The following GPR137C variants were observed in gnomAD, a reference collection of about 807,000 sequenced individuals.
GPR137C encodes the protein G protein-coupled receptor 137C, also known as integral membrane protein GPR137C.
Under a neutral mutation model 43.4 loss-of-function variants are expected in GPR137C, and 27 were observed. The ratio of observed to expected loss-of-function variants is 0.62; its 90% CI spans 0.46 to 0.86. The LOEUF is 0.86. Ranked by LOEUF, GPR137C falls within the 40% of genes least tolerant of loss-of-function variation. GPR137C has a pLI of 0.00. For synonymous variants in GPR137C, 285 were observed against 226.9 expected, an observed-to-expected ratio of 1.26 and a Z score of -2.30; for missense variants, 522 against 534.6, an observed-to-expected ratio of 0.98 and a Z score of 0.23.
chr14:52,596,952 T>C, intron 1 of GPR137C: 1 of 454,412 alleles, frequency 2.2e-6, no homozygotes, highest in Non-Finnish European at 4.4e-6. Context: ...TTTGGCCATC[T>C]TGGAAGGAAC....
At chr14:52,619,510 G>T (rs897455607) in intron 3 of GPR137C, among the ~76,000 whole-genome samples, 5 of 152,090 alleles carry the variant, frequency 3.3e-5, no homozygotes, top group Non-Finnish European at 5.9e-5. Context: ...TGCAGTTGTT[G>T]TACTGCAAGT....
chr14:52,569,441 G>A (rs184538968), intron 1 of GPR137C, among the ~76,000 whole-genome samples: 1 of 151,718 alleles, frequency 6.6e-6, no homozygotes, highest in East Asian at 1.9e-4. Context: ...TGGAGAATGA[G>A]TTTGACAAAT....
intron 1 of GPR137C, among the ~76,000 whole-genome samples, chr14:52,578,241 C>A (rs570050138): frequency 3.3e-5 from 5 of 152,280 alleles, no homozygotes; most frequent in African/African-American, 1.2e-4. Context: ...GGGAGACATT[C>A]TCGTATTTTT....
chr14:52,553,307 G>T lies in GPR137C; in HGVS notation c.160G>T (p.Ala54Ser), dbSNP rs1002948517. Reference protein sequence around the residue: ...SVQLALSVLHALLYAALFAFA... With the variant: ...SVQLALSVLHSLLYAALFAFA... ...GCAGTTGGCGCTGAGCGTCCTGCACGCCCTGCTCTACGCCGCGCTGTTCGC... is the reference window on the plus strand; with the variant it reads ...GCAGTTGGCGCTGAGCGTCCTGCACTCCCTGCTCTACGCCGCGCTGTTCGC... Residue 54 changes from alanine to serine, a missense_variant, in exon 1 of 7, where the codon GCC (alanine) becomes TCC (serine). Physicochemically the swap from Ala to Ser is moderately conservative, Grantham distance 99. Around this residue, in one of 3 missense-constraint regions of GPR137C, gnomAD observed 437 missense variants for 425.7 expected, o/e 1.03. Transcript: ENST00000321662. The T allele has an allele frequency of 1.3e-6, 2 of 1,566,708 alleles. No homozygotes were observed. The highest frequency in any genetic ancestry group is 2.3e-5 in the South Asian group (2 of 86,042).
intron 3 of GPR137C, among the ~76,000 whole-genome samples, chr14:52,618,015 C>T (rs1421421995): frequency 1.3e-5 from 2 of 152,064 alleles, no homozygotes; most frequent in African/African-American, 4.8e-5. Context: ...TCACAGAGTT[C>T]CTGAACACCT....
chr14:52,623,025 T>A (rs900535644), intron 3 of GPR137C, among the ~76,000 whole-genome samples: 1 of 152,230 alleles, frequency 6.6e-6, no homozygotes, highest in South Asian at 2.1e-4. Context: ...ATCAACACAG[T>A]TGGCCCAGGA....
intron 1 of GPR137C, among the ~76,000 whole-genome samples, chr14:52,581,533 CAA>C (rs11420705): frequency 3.1e-5 from 4 of 128,058 alleles, no homozygotes; most frequent in Non-Finnish European, 6.8e-5. Flanking sequence ...GACTCCGTCT[CAA>C]AAAAAAAAAA....
chr14:52,613,223 G>C (rs911370892), intron 3 of GPR137C: 9 of 150,888 alleles, frequency 6.0e-5, no homozygotes, highest in Admixed American at 4.6e-4. Flanking sequence ...CTCCAGCCTG[G>C]GGGACAGAGT....
In GPR137C at chr14:52,635,170, T is replaced by C; in HGVS notation, c.*55T>C. Reference sequence around the variant, plus strand: ...GTTTTTCATAAATGTGTATATTCAATGTGTTTAAATTCCATCTACATAAAC... The same window carrying C: ...GTTTTTCATAAATGTGTATATTCAACGTGTTTAAATTCCATCTACATAAAC... On this transcript the variant is annotated 3_prime_UTR_variant, in exon 7 of 7. Coordinates refer to ENST00000321662, the MANE Select transcript of GPR137C (RefSeq NM_001099652.2). 1 of 1,356,332 alleles carries C rather than the reference T, an allele frequency of 7.4e-7. No individual in the cohort carries two copies. The highest frequency in any genetic ancestry group is 9.9e-7 in the Non-Finnish European group (1 of 1,006,660). 84.0% of individuals were successfully genotyped at this position (1,356,332 alleles called of 1,614,324 possible). A position where few individuals can be genotyped will look rare whatever the true frequency, so the allele number is the denominator to read the frequency against.
chr14:52,634,503 G>T (rs2039330144), intron 6 of GPR137C, among the ~76,000 whole-genome samples: 1 of 152,084 alleles, frequency 6.6e-6, no homozygotes, highest in African/African-American at 2.4e-5. Flanking sequence ...CTTCATCTGG[G>T]CAAGTTATAT....
intron 3 of GPR137C, among the ~76,000 whole-genome samples, chr14:52,601,509 T>TATAG (rs1464988508): frequency 2.1e-4 from 31 of 149,860 alleles, no homozygotes; most frequent in African/African-American, 7.6e-4. Context: ...TATATATATA[T>TATAG]AGAGAGAGAG....
At chr14:52,630,671 G>T (rs775882936) in intron 3 of GPR137C, among the ~76,000 whole-genome samples, 1 of 152,036 alleles carries the variant, frequency 6.6e-6, no homozygotes, top group African/African-American at 2.4e-5. Flanking sequence ...TTCTGAGGAA[G>T]TCAGTTATAA....
chr14:52,632,192 C>A lies in GPR137C; in HGVS notation c.750C>A (p.Gly250=). 1 of 1,606,332 alleles carries A rather than the reference C, an allele frequency of 6.2e-7. No individual in the cohort carries two copies. The highest frequency in any genetic ancestry group is 8.5e-7 in the Non-Finnish European group (1 of 1,173,132). ...GMSLCQTVVV[G]SVVILLYSSR... ...CTCTGTGCCAGACTGTCGTCGTGGG[C>A]TCTGTAGTCATTCTTCTGTACTCTT... Residue 250 remains glycine, a synonymous_variant, in exon 4 of 7, where the codon GGC becomes GGA. Transcript: ENST00000321662.
At position 52,559,832 on chromosome 14, in the gene GPR137C, A is replaced by G. The variant is rs539694952; in HGVS notation, c.444+6241A>G. 7.9e-5 allele frequency among the ~76,000 whole-genome samples: 12 copies of G among 152,322 alleles called. No individual in the cohort carries two copies. In the East Asian group the frequency reaches 2.1e-3, roughly 27 times the overall value. ...AAGCTTATAGGATATAACTTTTTAT[A>G]TACTAGCAGAAAACAATTAGAAAAA... On this transcript the variant is annotated intron_variant, in intron 1 of 6. Coordinates refer to ENST00000321662, the MANE Select transcript of GPR137C (RefSeq NM_001099652.2).
At chr14:52,601,165 G>T (rs2038919266) in intron 3 of GPR137C, among the ~76,000 whole-genome samples, 1 of 152,096 alleles carries the variant, frequency 6.6e-6, no homozygotes, top group Non-Finnish European at 1.5e-5. Flanking sequence ...GTGTGAGGGG[G>T]TAGATATGTG....
chr14:52,594,887 T>G (rs1240144283), intron 1 of GPR137C, among the ~76,000 whole-genome samples: 1 of 152,238 alleles, frequency 6.6e-6, no homozygotes, highest in East Asian at 1.9e-4. Context: ...ATTTTGCCCG[T>G]TAATTGATGC....
chr14:52,576,001 A>G (rs1258862351), intron 1 of GPR137C, among the ~76,000 whole-genome samples: 1 of 152,160 alleles, frequency 6.6e-6, no homozygotes, highest in Non-Finnish European at 1.5e-5. Flanking sequence ...GGTTGGTCAT[A>G]TAGGCATGGA....
intron 3 of GPR137C, among the ~76,000 whole-genome samples, chr14:52,622,113 A>G (rs895657270): frequency 6.6e-6 from 1 of 152,014 alleles, no homozygotes; most frequent in African/African-American, 2.4e-5. Context: ...GAAGCATATG[A>G]AGAAAATCCA....
At chr14:52,615,996 T>C (rs914120592) in intron 3 of GPR137C, among the ~76,000 whole-genome samples, 1 of 152,248 alleles carries the variant, frequency 6.6e-6, no homozygotes, top group African/African-American at 2.4e-5. Flanking sequence ...CTTTCTTCCA[T>C]GTCAATGTCC....
Sources: gnomAD v4.1 joint callset for allele counts (sites outside exome capture counted in the v4.1 genomes callset) on GRCh38, gnomAD v4.1.1 for gene constraint, gnomAD v4.1.1 regional missense constraint, MANE v1.5 for transcripts, NCBI Gene and HGNC (gene_info 2026-07-23, HGNC 2026-07-21) for gene names.